Variants in PCDHGB1 observed in about 807,000 individuals in gnomAD.
PCDHGB1 encodes protocadherin gamma subfamily B, 1.
In PCDHGB1, 34 loss-of-function variants were observed where a neutral mutation model predicts 56.6. That is an observed-to-expected ratio of 0.60 (90% CI 0.46 to 0.80). The LOEUF (loss-of-function observed/expected upper bound fraction) is 0.80, where lower values mean the gene tolerates loss of function less well. Ranked by LOEUF, PCDHGB1 falls within the 30% of genes least tolerant of loss-of-function variation. The probability of loss-of-function intolerance (pLI) is 0.00; values close to 1 mark genes in which losing one functional copy is unlikely to be tolerated. For missense variants in PCDHGB1, 1,278 were observed against 1,204.6 expected (o/e 1.06, Z -0.90); for synonymous variants, 561 against 505.9 (o/e 1.11, Z -1.46).
chr5:141,482,380 C>A (rs2099557573), intron 1 of PCDHGB1, among the ~76,000 whole-genome samples: 1 of 151,712 alleles, frequency 6.6e-6, no homozygotes, highest in Non-Finnish European at 1.5e-5. Context: ...ATATAAAGTC[C>A]CTGTATGGAG....
chr5:141,378,734 A>C (rs1388674316), intron 1 of PCDHGB1: 1 of 152,216 alleles, frequency 6.6e-6, no homozygotes, highest in Non-Finnish European at 1.5e-5. Flanking sequence ...CTTTATTGAA[A>C]TATTTCAAGA....
intron 1 of PCDHGB1, among the ~76,000 whole-genome samples, chr5:141,467,297 CT>C (rs1229166213): frequency 2.0e-5 from 3 of 152,182 alleles, no homozygotes; most frequent in African/African-American, 7.2e-5. Context: ...AAGTGATCCA[CT>C]CACCTCGGCC....
At chr5:141,426,586 G>A (rs2096944939) in intron 1 of PCDHGB1, 1 of 363,442 alleles carries the variant, frequency 2.8e-6, no homozygotes, top group African/African-American at 2.1e-5. Flanking sequence ...AAAATCCTCT[G>A]TGTCATACCC....
chr5:141,375,006 A>G (rs774947515), intron 1 of PCDHGB1: 25 of 1,613,884 alleles, frequency 1.5e-5, no homozygotes, highest in Non-Finnish European at 1.8e-5. Context: ...GCAAATCTAG[A>G]CTATGAGGAC....
chr5:141,429,858 A>T (rs1183727412), intron 1 of PCDHGB1, among the ~76,000 whole-genome samples: 1 of 152,192 alleles, frequency 6.6e-6, no homozygotes, highest in East Asian at 1.9e-4. Context: ...CATTCTTTGG[A>T]CTACCAATTT....
At chr5:141,375,102 T>C (rs1185155280) in intron 1 of PCDHGB1, 3 of 1,613,868 alleles carry the variant, frequency 1.9e-6, no homozygotes, top group Non-Finnish European at 2.5e-6. Flanking sequence ...ATCTTGGATG[T>C]CAATGATAAT....
chr5:141,432,665 G>A lies in PCDHGB1; in HGVS notation c.2410-62142G>A. 1 of 1,613,896 alleles carries A rather than the reference G, an allele frequency of 6.2e-7. No individual in the cohort carries two copies. Among genetic ancestry groups the A allele is most frequent in the Non-Finnish European group, 8.5e-7 (1 of 1,179,956 alleles). On this transcript the variant is annotated intron_variant, in intron 1 of 3. Coordinates refer to ENST00000523390, the MANE Select transcript of PCDHGB1 (RefSeq NM_018922.3). The surrounding 1 kb of genome is among the most constrained non-coding windows in gnomAD (Gnocchi z 6.0). ...CACGGCGCGAGCCCTGCTGGACAGA[G>A]ACGCGCTCAAGCAGAGCCTCGTAGT... is the stretch of plus-strand genomic sequence containing the variant.
rs1157645386 is a variant in PCDHGB1 at position 141,477,622 on chromosome 5, A to C, written c.2410-17185A>C. On this transcript the variant is annotated intron_variant, in intron 1 of 3. Coordinates refer to ENST00000523390, the MANE Select transcript of PCDHGB1 (RefSeq NM_018922.3). This position sits in a 1 kb window ranked among gnomAD's most constrained non-coding sequence, Gnocchi z 4.9. ...TCTTTCTCTTGGAGCAAGGAGCTGA[A>C]ACCGGGCTAGTGGGTCGCTATTTCA... 1 of 1,614,108 alleles carries C rather than the reference A, an allele frequency of 6.2e-7. No homozygotes were observed. The highest frequency in any genetic ancestry group is 2.2e-5 in the East Asian group (1 of 44,904).
At chr5:141,423,033 C>A (rs2096701827) in intron 1 of PCDHGB1, 2 of 1,614,102 alleles carry the variant, frequency 1.2e-6, no homozygotes, top group Non-Finnish European at 1.7e-6. Flanking sequence ...CAGGCCAGAA[C>A]GCCTGGCTGT....
chr5:141,416,062 T>G, intron 1 of PCDHGB1: 1 of 176,822 alleles, frequency 5.7e-6, no homozygotes, highest in Non-Finnish European at 1.2e-5. Flanking sequence ...AATCCAAGAA[T>G]ACTCAATGCA....
chr5:141,441,762 C>T (rs3805697), intron 1 of PCDHGB1: 63,073 of 367,490 alleles, frequency 0.17, 6,544 homozygotes, highest in Admixed American at 0.27. Context: ...CGTGAGCCTG[C>T]GCGTGTTGGT....
chr5:141,370,011 A>G (rs1234949612), intron 1 of PCDHGB1, among the ~76,000 whole-genome samples: 2 of 152,266 alleles, frequency 1.3e-5, no homozygotes, highest in African/African-American at 4.8e-5. Flanking sequence ...TAAAAGAAAT[A>G]ACAGACTAAA....
In PCDHGB1 at chr5:141,420,134, G is replaced by A. The variant is rs769225630; in HGVS notation, c.2409+67465G>A. The A allele has an allele frequency of 1.1e-5, 18 of 1,613,952 alleles. No homozygotes were observed. Among genetic ancestry groups the A allele is most frequent in the Non-Finnish European group, 1.4e-5 (17 of 1,179,876 alleles). Reference sequence around the variant, plus strand: ...TGCCTATAATTTTTGTGTGCCTGGGGATCAAATGAATCCAGAATTTAATTT... The same window carrying A: ...TGCCTATAATTTTTGTGTGCCTGGGAATCAAATGAATCCAGAATTTAATTT... On this transcript the variant is annotated intron_variant, in intron 1 of 3. Coordinates refer to ENST00000523390, the MANE Select transcript of PCDHGB1 (RefSeq NM_018922.3).
At chr5:141,386,383 A>C (rs980668572) in intron 1 of PCDHGB1, among the ~76,000 whole-genome samples, 5 of 152,206 alleles carry the variant, frequency 3.3e-5, no homozygotes, top group Admixed American at 2.6e-4. Context: ...GTATTAATTA[A>C]AAACACACTT....
At position 141,431,391 on chromosome 5, in the gene PCDHGB1, T is replaced by C; in HGVS notation, c.2410-63416T>C. Reference sequence around the variant, plus strand: ...GAAGAAAAGGCTGCTCACCACCTGGTCCTTACGGCCTCCGACGGGGGCGAC... The same window carrying C: ...GAAGAAAAGGCTGCTCACCACCTGGCCCTTACGGCCTCCGACGGGGGCGAC... On this transcript the variant is annotated intron_variant, in intron 1 of 3. Transcript: ENST00000523390. The surrounding 1 kb of genome is among the most constrained non-coding windows in gnomAD (Gnocchi z 4.8). 1 of 1,613,852 alleles carries C rather than the reference T, an allele frequency of 6.2e-7. No homozygotes were observed.
chr5:141,390,373 AT>A, intron 1 of PCDHGB1: 1 of 1,481,206 alleles, frequency 6.8e-7, no homozygotes, highest in Non-Finnish European at 9.2e-7. Flanking sequence ...AAAATATATA[AT>A]TTTTAGATGT....
intron 1 of PCDHGB1, among the ~76,000 whole-genome samples, chr5:141,494,070 C>T (rs933213518): frequency 3.9e-5 from 6 of 152,174 alleles, no homozygotes; most frequent in African/African-American, 1.4e-4. Context: ...AGCTGGATCC[C>T]TCCCCGCTGC....
At chr5:141,356,282 C>T in intron 1 of PCDHGB1, 2 of 1,557,612 alleles carry the variant, frequency 1.3e-6, no homozygotes, top group Non-Finnish European at 1.7e-6. Flanking sequence ...GAATCTTCTT[C>T]CCCGGGTACA....
At chr5:141,376,460 A>G (rs1437479138) in intron 1 of PCDHGB1, 3 of 1,614,038 alleles carry the variant, frequency 1.9e-6, no homozygotes, top group Non-Finnish European at 2.5e-6. Context: ...GCCTCTTCTG[A>G]TAACTCAGGA....
Sources: gnomAD v4.1 joint callset for allele counts (sites outside exome capture counted in the v4.1 genomes callset) on GRCh38, gnomAD v4.1.1 for gene constraint, Gnocchi (gnomAD v3.1) non-coding constraint, MANE v1.5 for transcripts, NCBI Gene and HGNC (gene_info 2026-07-23, HGNC 2026-07-21) for gene names.